BIN1: variants seen among roughly 807,000 people sequenced by gnomAD.
BIN1 encodes myc box-dependent-interacting protein 1.
BIN1 carries 53 observed loss-of-function variants against 82.0 expected under a neutral mutation model. That is an observed-to-expected ratio of 0.65 (90% CI 0.52 to 0.81). The LOEUF is 0.81. Ranked by LOEUF, BIN1 falls within the 40% of genes least tolerant of loss-of-function variation. BIN1 has a pLI of 0.00. For synonymous variants in BIN1, 302 were observed against 328.0 expected (o/e 0.92, Z 0.86); for missense variants, 642 against 784.4 (o/e 0.82, Z 2.17).
chr2:127,077,221 G>A (rs1354411226), intron 1 of BIN1, among the ~76,000 whole-genome samples: 1 of 152,206 alleles, frequency 6.6e-6, no homozygotes, highest in African/African-American at 2.4e-5. Flanking sequence ...GGCAGCGAGC[G>A]GTGGCCAGGA....
intron 18 of BIN1, among the ~76,000 whole-genome samples, chr2:127,050,110 G>A (rs1682701011): frequency 6.6e-6 from 1 of 152,206 alleles, no homozygotes. Flanking sequence ...GAAGGGGAGA[G>A]ACAGAGGCAG....
intron 4 of BIN1, 84 bp from the exon 5 acceptor site, chr2:127,070,174 A>G: frequency 1.8e-6 from 2 of 1,128,362 alleles, no homozygotes; most frequent in Admixed American, 1.8e-5. Flanking sequence ...GACCAGCCCC[A>G]GCCCCATCTC....
At chr2:127,070,699 A>AC (rs1304129147) in intron 3 of BIN1, 52 bp from the exon 4 acceptor site, 1 of 1,534,866 alleles carries the variant, frequency 6.5e-7, no homozygotes, top group Non-Finnish European at 8.8e-7. Context: ...CGCTTGTCCC[A>AC]CCCTCCCCAG....
chr2:127,097,109 G>A (rs548871824), intron 1 of BIN1, among the ~76,000 whole-genome samples: 8 of 152,310 alleles, frequency 5.3e-5, no homozygotes, highest in African/African-American at 1.9e-4. Context: ...CCCCACAGCT[G>A]GCAGGACCAC....
intron 1 of BIN1, among the ~76,000 whole-genome samples, chr2:127,100,965 A>G (rs1680236409): frequency 7.2e-6 from 1 of 138,210 alleles, no homozygotes. Flanking sequence ...GGATTCCAAG[A>G]ATTCAGTGAG....
chr2:127,050,192 G>A (rs72846605), intron 18 of BIN1, among the ~76,000 whole-genome samples: 403 of 152,310 alleles, frequency 2.6e-3, no homozygotes, highest in Middle Eastern at 6.8e-3. Flanking sequence ...AGCGGGTATG[G>A]GGACAGGGAG....
At chr2:127,092,459 G>T (rs1223011783) in intron 1 of BIN1, among the ~76,000 whole-genome samples, 5 of 152,148 alleles carry the variant, frequency 3.3e-5, no homozygotes, top group African/African-American at 1.2e-4. Context: ...GGAGCAACAG[G>T]GCCCACAGAG....
chr2:127,066,361 C>G lies in BIN1; in HGVS notation c.612+1802G>C, dbSNP rs962022493. On this transcript the variant is annotated intron_variant, in intron 7 of 18. Transcript: ENST00000316724. ...TCACCTGCCTCACCCTCTCGCTGCT[C>G]CCCCAGGGTGGGCGTGGAGGCAGGC... 4.6e-5 allele frequency among the ~76,000 whole-genome samples: 7 copies of G among 152,224 alleles called. No individual in the cohort carries two copies. The East Asian group carries it at 1.3e-3, about 29-fold the overall frequency.
At chr2:127,098,795 T>A (rs1679927226) in intron 1 of BIN1, among the ~76,000 whole-genome samples, 1 of 152,226 alleles carries the variant, frequency 6.6e-6, no homozygotes, top group Non-Finnish European at 1.5e-5. Flanking sequence ...AAGCTTTCTC[T>A]TATAGGACAG....
rs764951306 is a variant in BIN1, at chr2:127,051,153, C to T, written c.1461+1G>A. On this transcript the variant is annotated splice_donor_variant, in intron 16 of 18. Transcript: ENST00000316724. LOFTEE classifies it high-confidence loss of function. ...GCAGGGCTTTGTCCCTGCTGTCTTA[C>T]GGAGGCTGCTTCACTTGCCGCCGTC... 24 of 1,613,338 alleles carry T rather than the reference C, an allele frequency of 1.5e-5. No individual in the cohort carries two copies. Among genetic ancestry groups the T allele is most frequent in the Admixed American group, 3.3e-5 (2 of 60,010 alleles).
At position 127,063,646 on chromosome 2, in the gene BIN1, G is replaced by A; in HGVS notation, c.699C>T (p.Ser233=). Residue 233 remains serine (S), a splice_region_variant and synonymous_variant, in exon 9 of 19, where the codon AGC becomes AGT. Coordinates refer to ENST00000316724, the MANE Select transcript of BIN1 (RefSeq NM_139343.3). ...LQEELPSLWN[S]RVGFYVNTFQ... Reference sequence around the variant, plus strand: ...ACGTGTTGACGTAGAAACCTACGCGGCTACAGAAGGGCGGAAGGATGGGGG... The same window carrying A: ...ACGTGTTGACGTAGAAACCTACGCGACTACAGAAGGGCGGAAGGATGGGGG... The A allele has an allele frequency of 6.2e-7, 1 of 1,613,286 alleles. No individual in the cohort carries two copies. The highest frequency in any genetic ancestry group is 1.3e-5 in the African/African-American group (1 of 75,034).
chr2:127,064,627 A>G lies in BIN1; in HGVS notation c.613-609T>C, dbSNP rs964120154. 1.7e-5 allele frequency: 3 copies of G among 179,900 alleles called. No homozygotes were observed. The East Asian group carries it at 4.1e-4, about 25-fold the overall frequency. The allele number at this position is 179,900 out of a possible 1,614,324, so 11.1% of individuals were successfully genotyped here. The stretch of plus-strand genomic sequence containing the variant: ...AGAGGGAGACCAGAGGCAGCCACTC[A>G]GGCACCTCTAGGAATGTCAGGGGGA... On this transcript the variant is annotated intron_variant, in intron 7 of 18. Coordinates refer to ENST00000316724, the MANE Select transcript of BIN1 (RefSeq NM_139343.3).
intron 2 of BIN1, among the ~76,000 whole-genome samples, chr2:127,074,484 C>T (rs1686340183): frequency 6.6e-6 from 1 of 152,242 alleles, no homozygotes; most frequent in Non-Finnish European, 1.5e-5. Flanking sequence ...CACCTGGCAG[C>T]CCGCAGCACT....
In BIN1 at chr2:127,063,999, T is replaced by C; in HGVS notation, c.632A>G (p.Lys211Arg). 4 of 1,613,900 alleles carry C rather than the reference T, an allele frequency of 2.5e-6. No homozygotes were observed. Among genetic ancestry groups the C allele is most frequent in the Non-Finnish European group, 3.4e-6 (4 of 1,179,996 alleles). Reference protein sequence around the residue: ...LRNQAEEELIKAQKVFEEMNV... With the variant: ...LRNQAEEELIRAQKVFEEMNV... ...CATCTCCTCAAACACCTTCTGGGCT[T>C]TGATGAGCTCCTCCTCGGCCTGGGG... is the stretch of plus-strand genomic sequence containing the variant. Residue 211 changes from lysine (K) to arginine (R), a missense_variant, in exon 8 of 19, where the codon AAA (lysine) becomes AGA (arginine). Lys to Arg is a conservative substitution (Grantham distance 26). Transcript: ENST00000316724.
chr2:127,102,576 A>G (rs1050546261), intron 1 of BIN1, among the ~76,000 whole-genome samples: 1 of 152,136 alleles, frequency 6.6e-6, no homozygotes, highest in African/African-American at 2.4e-5. Context: ...GCAGCCTCCC[A>G]AGTAGGCTGT....
chr2:127,063,034 A>G (rs1558819181), intron 9 of BIN1, among the ~76,000 whole-genome samples: 1 of 152,178 alleles, frequency 6.6e-6, no homozygotes, highest in Non-Finnish European at 1.5e-5. Context: ...GGTCTCTCCA[A>G]CTGCAAAGTT....
At chr2:127,065,606 T>C (rs1219734396) in intron 7 of BIN1, among the ~76,000 whole-genome samples, 1 of 152,166 alleles carries the variant, frequency 6.6e-6, no homozygotes, top group Non-Finnish European at 1.5e-5. Context: ...CGTAAGAACC[T>C]GCCTGGACCA....
intron 8 of BIN1, 106 bp from the exon 9 acceptor site, chr2:127,063,752 C>A: frequency 7.0e-7 from 1 of 1,421,934 alleles, no homozygotes; most frequent in Non-Finnish European, 9.8e-7. Flanking sequence ...GAGGCACAAA[C>A]CAGAGAGGGC....
chr2:127,061,049 C>T (rs891544040), intron 10 of BIN1, among the ~76,000 whole-genome samples: 3 of 152,278 alleles, frequency 2.0e-5, no homozygotes, highest in East Asian at 3.9e-4. Flanking sequence ...CCTCCACCTC[C>T]TTCCTGAGGG....
Sources: gnomAD v4.1 joint callset for allele counts (sites outside exome capture counted in the v4.1 genomes callset) on GRCh38, gnomAD v4.1.1 for gene constraint, MANE v1.5 for transcripts, NCBI Gene and HGNC (gene_info 2026-07-23, HGNC 2026-07-21) for gene names.